DCLK1: variants seen among roughly 807,000 people sequenced by gnomAD.
DCLK1 encodes doublecortin like kinase 1, also known as serine/threonine-protein kinase DCLK1.
Under a neutral mutation model 86.2 loss-of-function variants are expected in DCLK1, and 16 were observed. The observed-to-expected ratio is 0.19, with a 90% CI of 0.13 to 0.28. DCLK1 has a LOEUF of 0.28. Ranked by LOEUF, DCLK1 falls within the 10% of genes least tolerant of loss-of-function variation. The pLI is 1.00. For missense variants in DCLK1, 590 were observed against 940.2 expected (o/e 0.63, Z 4.87); for synonymous variants, 369 against 370.5 (o/e 1.00, Z 0.05).
In DCLK1 at chr13:35,967,900, G is replaced by A. The variant is rs568249424; in HGVS notation, c.724-20443C>T. On this transcript the variant is annotated intron_variant, in intron 3 of 16. Coordinates refer to ENST00000360631, the MANE Select transcript of DCLK1 (RefSeq NM_001330071.2). ...TAGCTGGGCGGTGGTACATTGCTGT[G>A]GTCCCAGCTACTCAGGAGGCTGAGG... is the stretch of plus-strand genomic sequence containing the variant. Among the ~76,000 whole-genome samples the A allele has an allele frequency of 3.3e-5, 5 of 152,002 alleles. No individual in the cohort carries two copies. The South Asian group carries it at 1.0e-3, about 32-fold the overall frequency.
intron 3 of DCLK1, among the ~76,000 whole-genome samples, chr13:35,987,967 A>C (rs1034024879): frequency 6.6e-6 from 1 of 152,180 alleles, no homozygotes; most frequent in Non-Finnish European, 1.5e-5. Context: ...AGGGGTCCCC[A>C]GTCTCAGGCC....
chr13:36,067,436 A>T, intron 3 of DCLK1, among the ~76,000 whole-genome samples: 1 of 137,588 alleles, frequency 7.3e-6, no homozygotes, highest in Non-Finnish European at 1.6e-5. Context: ...GAGGGATAGC[A>T]TTAGGAGATA....
Position 35,969,474 on chromosome 13 carries a change from C to G in DCLK1, c.724-22017G>C, listed in dbSNP as rs143911671. Among the ~76,000 whole-genome samples, 874 of 152,326 alleles carry G rather than the reference C, an allele frequency of 5.7e-3. 6 individuals carry two copies. Among genetic ancestry groups the G allele is most frequent in the African/African-American group, 0.02 (832 of 41,580 alleles). The stretch of plus-strand genomic sequence containing the variant: ...GCTGGAAGAGACAAGGAAGAATTCT[C>G]CTCTAGGGCCTTGGGAGGAAACACA... On this transcript the variant is annotated intron_variant, in intron 3 of 16. Coordinates refer to ENST00000360631, the MANE Select transcript of DCLK1 (RefSeq NM_001330071.2).
intron 4 of DCLK1, among the ~76,000 whole-genome samples, chr13:35,921,653 C>T (rs1221501012): frequency 6.6e-6 from 1 of 152,106 alleles, no homozygotes; most frequent in Non-Finnish European, 1.5e-5. Context: ...GGCAGCAGCA[C>T]CCAGAAAGGT....
intron 3 of DCLK1, among the ~76,000 whole-genome samples, chr13:36,078,809 C>T (rs570552511): frequency 6.6e-6 from 1 of 152,182 alleles, no homozygotes; most frequent in East Asian, 1.9e-4. Flanking sequence ...TCCAATTTTA[C>T]GTAATGTGAA....
intron 11 of DCLK1, among the ~76,000 whole-genome samples, chr13:35,820,057 C>T (rs1416850316): frequency 1.3e-5 from 2 of 152,134 alleles, no homozygotes; most frequent in African/African-American, 2.4e-5. Flanking sequence ...GAGGGTCTAC[C>T]TTCTGTGATG....
intron 3 of DCLK1, among the ~76,000 whole-genome samples, chr13:35,977,026 T>C (rs1879383890): frequency 6.6e-6 from 1 of 152,150 alleles, no homozygotes; most frequent in Admixed American, 6.5e-5. Flanking sequence ...AGGAATTAAA[T>C]CAGAAATAAT....
intron 11 of DCLK1, among the ~76,000 whole-genome samples, chr13:35,818,713 G>A (rs2087325253): frequency 6.6e-6 from 1 of 152,034 alleles, no homozygotes; most frequent in South Asian, 2.1e-4. Flanking sequence ...AGAAACACAA[G>A]CTGCTACTGA....
chr13:35,810,804 C>T, intron 12 of DCLK1, 31 bp downstream of exon 12: 2 of 1,609,806 alleles, frequency 1.2e-6, no homozygotes, highest in Non-Finnish European at 1.7e-6. Flanking sequence ...CTTTTGCAAG[C>T]ATAGCACTTA....
chr13:36,030,941 T>C (rs1378371660), intron 3 of DCLK1, among the ~76,000 whole-genome samples: 1 of 152,112 alleles, frequency 6.6e-6, no homozygotes, highest in Non-Finnish European at 1.5e-5. Context: ...TTGGGAGGCA[T>C]TGTTCCCTTA....
At chr13:36,047,984 A>T (rs1882983787) in intron 3 of DCLK1, among the ~76,000 whole-genome samples, 1 of 152,104 alleles carries the variant, frequency 6.6e-6, no homozygotes, top group African/African-American at 2.4e-5. Flanking sequence ...AATATATCGT[A>T]TACTTGGAAA....
chr13:36,055,448 A>G (rs1477545921), intron 3 of DCLK1, among the ~76,000 whole-genome samples: 7 of 152,108 alleles, frequency 4.6e-5, no homozygotes, highest in African/African-American at 1.7e-4. Context: ...TTCTTTCAAT[A>G]AACAGGGAGT....
chr13:35,974,935 C>T (rs1256191705), intron 3 of DCLK1, among the ~76,000 whole-genome samples: 3 of 152,238 alleles, frequency 2.0e-5, no homozygotes, highest in Non-Finnish European at 2.9e-5. Context: ...AGAAAATGAA[C>T]ATACCAGGAA....
At chr13:35,792,438 T>C (rs1461521735) in intron 16 of DCLK1, among the ~76,000 whole-genome samples, 1 of 152,180 alleles carries the variant, frequency 6.6e-6, no homozygotes, top group African/African-American at 2.4e-5. Context: ...AGAGAAGTGG[T>C]TAAATATTCA....
At chr13:35,952,033 G>T (rs1330664865) in intron 3 of DCLK1, among the ~76,000 whole-genome samples, 1 of 152,128 alleles carries the variant, frequency 6.6e-6, no homozygotes, top group Non-Finnish European at 1.5e-5. Flanking sequence ...TAATCTCTTT[G>T]TGTCTCGGTT....
chr13:35,807,534 A>G (rs1220285778), intron 14 of DCLK1, among the ~76,000 whole-genome samples: 1 of 152,188 alleles, frequency 6.6e-6, no homozygotes, highest in African/African-American at 2.4e-5. Context: ...ATACTTGTTC[A>G]TTTATTCAGT....
intron 4 of DCLK1, among the ~76,000 whole-genome samples, chr13:35,917,047 AC>A (rs1235108227): frequency 6.6e-6 from 1 of 152,164 alleles, no homozygotes; most frequent in African/African-American, 2.4e-5. Context: ...ATCTGAACAA[AC>A]AGGCCTTGCT....
chr13:36,056,893 C>CAAA (rs766434117), intron 3 of DCLK1, among the ~76,000 whole-genome samples: 5,519 of 100,958 alleles, frequency 0.055, 222 homozygotes, highest in East Asian at 0.11. Context: ...AAGACTGTGA[C>CAAA]AAAAAAAAAA....
intron 3 of DCLK1, among the ~76,000 whole-genome samples, chr13:36,041,386 GA>G (rs1415051902): frequency 2.6e-5 from 4 of 152,082 alleles, no homozygotes; most frequent in African/African-American, 4.8e-5. Flanking sequence ...AGTAGCATCA[GA>G]ACTGTTAACC....
Sources: allele counts gnomAD v4.1 joint callset (sites outside exome capture counted in the v4.1 genomes callset), GRCh38; gene constraint gnomAD v4.1.1; transcripts MANE v1.5; gene names NCBI Gene and HGNC (gene_info 2026-07-23, HGNC 2026-07-21).